Variants in COL16A1 observed in about 807,000 individuals in gnomAD.
The protein encoded by COL16A1 is collagen type XVI alpha 1 chain.
In COL16A1, 189 loss-of-function variants were observed where a neutral mutation model predicts 266.3. The ratio of observed to expected loss-of-function variants is 0.71; its 90% CI spans 0.63 to 0.80. The LOEUF is 0.80. Among genes scored for constraint, COL16A1 ranks in the 30% least tolerant of loss-of-function variants. COL16A1 has a pLI of 0.00. For synonymous variants in COL16A1, 740 were observed against 782.3 expected (o/e 0.95, Z 0.90); for missense variants, 1,928 against 2,122.4 (o/e 0.91, Z 1.80).
rs998916828 is a variant in COL16A1 at position 31,665,955 on chromosome 1, A to G, written c.3403-20T>C. 3.1e-6 allele frequency: 5 copies of G among 1,613,834 alleles called. No homozygotes were observed. The African/African-American group carries it at 4.0e-5, about 13-fold the overall frequency. On this transcript the variant is annotated intron_variant, in intron 53 of 70. Coordinates refer to ENST00000373672, the MANE Select transcript of COL16A1 (RefSeq NM_001856.4). ...GGGACCCTGTCACCCACAGAGAACA[A>G]TGCAGCCGAAACCTAATCTTCCTGC...
intron 52 of COL16A1, 151 bp downstream of exon 52, chr1:31,667,424 C>G (rs1257385284): frequency 3.1e-6 from 2 of 651,420 alleles, no homozygotes; most frequent in Non-Finnish European, 5.1e-6. Context: ...GCCTCCACCT[C>G]CACAGCACCC....
chr1:31,697,109 G>A lies in COL16A1; in HGVS notation c.739-21C>T, dbSNP rs746700565. 1 of 1,614,026 alleles carries A rather than the reference G, an allele frequency of 6.2e-7. No individual in the cohort carries two copies. Among genetic ancestry groups the A allele is most frequent in the Middle Eastern group, 1.6e-4 (1 of 6,062 alleles). On this transcript the variant is annotated intron_variant, in intron 7 of 70. Coordinates refer to ENST00000373672, the MANE Select transcript of COL16A1 (RefSeq NM_001856.4). The surrounding 1 kb of genome is among the most constrained non-coding windows in gnomAD (Gnocchi z 4.2). ...GGGCACTGTTTGGTGGAAGAGCGGG[G>A]CTAGGGTCAGTACAGGAGCAGACTC...
intron 26 of COL16A1, 61 bp from the exon 27 acceptor site, chr1:31,686,340 C>T: frequency 6.2e-7 from 1 of 1,611,194 alleles, no homozygotes; most frequent in Non-Finnish European, 8.5e-7. Flanking sequence ...CTAGAGCAAT[C>T]CCAAACCCAA....
chr1:31,658,375 T>C, intron 64 of COL16A1, 113 bp downstream of exon 64: 1 of 924,262 alleles, frequency 1.1e-6, no homozygotes. Context: ...CATCCTGCCA[T>C]GCTGACAGCC....
chr1:31,679,801 C>T lies in COL16A1; in HGVS notation c.2718+3G>A. On this transcript the variant is annotated splice_donor_region_variant and intron_variant, in intron 41 of 70. Transcript: ENST00000373672. ...GGCGGACAAGAGGAGACAAGCGACACACCTGCGGGCCCGGCTGCCAGGAGC... is the reference window on the plus strand; with the variant it reads ...GGCGGACAAGAGGAGACAAGCGACATACCTGCGGGCCCGGCTGCCAGGAGC... 6 of 1,565,224 alleles carry T rather than the reference C, an allele frequency of 3.8e-6. No individual in the cohort carries two copies. The highest frequency in any genetic ancestry group is 5.2e-6 in the Non-Finnish European group (6 of 1,157,000).
In COL16A1 at chr1:31,671,616, A is replaced by G. The variant is rs950768730; in HGVS notation, c.3149T>C (p.Ile1050Thr). ...GACCAGGGCACCACTGATACTTACGATAGGGCCTGGAGGACCCGGGGAGCC... is the reference window on the plus strand; with the variant it reads ...GACCAGGGCACCACTGATACTTACGGTAGGGCCTGGAGGACCCGGGGAGCC... ...MRGSPGPPGPIGPPGFPGAVG... is the reference protein window; with the variant it reads ...MRGSPGPPGPTGPPGFPGAVG... The change falls in exon 48 of 71, where the codon ATC (isoleucine) becomes ACC (threonine). Residue 1050 changes from isoleucine (I) to threonine (T), a missense_variant and splice_region_variant. This residue lies in a region of COL16A1 where 1,552 missense variants were observed against 1,637.2 expected (regional missense o/e 0.95). Transcript: ENST00000373672. The G allele has an allele frequency of 1.2e-6, 2 of 1,613,892 alleles. No individual in the cohort carries two copies. Among genetic ancestry groups the G allele is most frequent in the African/African-American group, 2.7e-5 (2 of 74,870 alleles).
At chr1:31,671,709 G>C (rs1022379752) in intron 47 of COL16A1, 50 bp from the exon 48 acceptor site, 1 of 1,611,124 alleles carries the variant, frequency 6.2e-7, no homozygotes, top group African/African-American at 1.3e-5. Context: ...GCCCCATAGA[G>C]CCCCTGGGAT....
Position 31,668,086 on chromosome 1 carries a change from C to T in COL16A1, c.3303+79G>A, listed in dbSNP as rs773838290. 1 of 1,342,456 alleles carries T rather than the reference C, an allele frequency of 7.4e-7. No homozygotes were observed. 83.2% of individuals were successfully genotyped at this position (1,342,456 alleles called of 1,614,324 possible). ...AATGGGGAGCCCGCCGAGGGTTGCC[C>T]AGCCTGGCTGTGTCCTGACCACCAG... On this transcript the variant is annotated intron_variant, in intron 51 of 70. Coordinates refer to ENST00000373672, the MANE Select transcript of COL16A1 (RefSeq NM_001856.4). This position sits in a 1 kb window ranked among gnomAD's most constrained non-coding sequence, Gnocchi z 5.8.
Position 31,697,162 on chromosome 1 carries a change from C to G in COL16A1, c.738+58G>C. On this transcript the variant is annotated intron_variant, in intron 7 of 70. Transcript: ENST00000373672. This position sits in a 1 kb window ranked among gnomAD's most constrained non-coding sequence, Gnocchi z 4.2. ...CCTAAGACCTCCAGGCATCACCTTC[C>G]AGACCCTCATCTCCAGCACAGTGTG... The G allele has an allele frequency of 2.5e-6, 4 of 1,612,740 alleles. No individual in the cohort carries two copies. Among genetic ancestry groups the G allele is most frequent in the Non-Finnish European group, 3.4e-6 (4 of 1,179,080 alleles).
In COL16A1 at chr1:31,698,109, C is replaced by T. The variant is rs572974202; in HGVS notation, c.454G>A (p.Asp152Asn). The T allele has an allele frequency of 8.1e-6, 13 of 1,613,978 alleles. No individual in the cohort carries two copies. The highest frequency in any genetic ancestry group is 5.0e-5 in the Admixed American group (3 of 60,036). The stretch of plus-strand genomic sequence containing the variant: ...ACTGGGAAGATGCAGGACACAAAGT[C>T]GCCATCCTGGCCCTGGGCCCTGAGC... ...LELRAQGQDG[D>N]FVSCIFPVPQ... The change falls in exon 6 of 71, where the codon GAC (aspartate) becomes AAC (asparagine). Residue 152 changes from aspartate (D) to asparagine (N), a missense_variant. Around this residue, in one of 2 missense-constraint regions of COL16A1, gnomAD observed 1,552 missense variants for 1,637.2 expected, o/e 0.95. Coordinates refer to ENST00000373672, the MANE Select transcript of COL16A1 (RefSeq NM_001856.4). The surrounding 1 kb of genome is among the most constrained non-coding windows in gnomAD (Gnocchi z 4.1).
intron 43 of COL16A1, 83 bp from the exon 44 acceptor site, chr1:31,675,122 C>T (rs1643072948): frequency 5.6e-6 from 9 of 1,609,726 alleles, no homozygotes; most frequent in South Asian, 2.2e-5. Context: ...CCTTGGGACA[C>T]GTCATGCACC....
chr1:31,698,548 T>A lies in COL16A1; in HGVS notation c.325A>T (p.Lys109Ter). The A allele has an allele frequency of 6.2e-7, 1 of 1,614,106 alleles. No individual in the cohort carries two copies. The highest frequency in any genetic ancestry group is 8.5e-7 in the Non-Finnish European group (1 of 1,180,012). ...CACGTCTTCTGGTGGGTGTGTTTCT[T>A]CAGCAGTAGTGTCAGCACCAGGGCA... The part of the protein sequence containing the change: ...EFALVLTLLL[K>*]KHTHQKTWYL... The change falls in exon 5 of 71, where the codon AAG (lysine) becomes TAG (stop). Residue 109 changes from lysine (K) to a stop codon, truncating the protein, a stop_gained. Transcript: ENST00000373672. LOFTEE classifies it high-confidence loss of function. The surrounding 1 kb of genome is among the most constrained non-coding windows in gnomAD (Gnocchi z 4.1).
At chr1:31,660,331 C>G (rs752702882) in intron 62 of COL16A1, among the ~76,000 whole-genome samples, 13 of 152,214 alleles carry the variant, frequency 8.5e-5, no homozygotes, top group Non-Finnish European at 1.8e-4. Context: ...GTCCCCCAAG[C>G]CTGGCATGGC....
intron 2 of COL16A1, 62 bp downstream of exon 2, chr1:31,702,059 C>G: frequency 6.2e-7 from 1 of 1,612,196 alleles, no homozygotes; most frequent in Non-Finnish European, 8.5e-7. Flanking sequence ...GTGCAAGGAC[C>G]CCAGCACCCC....
chr1:31,701,421 G>A (rs1225842074), intron 2 of COL16A1: 2 of 985,292 alleles, frequency 2.0e-6, no homozygotes. Context: ...TCAGCTTCTT[G>A]GTTTTTCTGC....
In COL16A1 at chr1:31,657,111, A is replaced by C; in HGVS notation, c.4021-43T>G. 6.2e-7 allele frequency: 1 copy of C among 1,613,852 alleles called. No individual in the cohort carries two copies. On this transcript the variant is annotated intron_variant, in intron 64 of 70. Coordinates refer to ENST00000373672, the MANE Select transcript of COL16A1 (RefSeq NM_001856.4). The surrounding 1 kb of genome is among the most constrained non-coding windows in gnomAD (Gnocchi z 6.4). The stretch of plus-strand genomic sequence containing the variant: ...ATGGAGACATGAGGAGCTCCAACCC[A>C]GTTTGGTGTCAGATGCCTCACTTTG...
chr1:31,676,935 A>G (rs1408284436), intron 42 of COL16A1, among the ~76,000 whole-genome samples: 1 of 152,206 alleles, frequency 6.6e-6, no homozygotes. Context: ...CCAGCCCCCG[A>G]GCAATTTCCA....
At chr1:31,681,161 A>G in intron 37 of COL16A1, 94 bp from the exon 38 acceptor site, 1 of 1,492,438 alleles carries the variant, frequency 6.7e-7, no homozygotes, top group East Asian at 2.3e-5. Context: ...AAACAGAAGC[A>G]GCGCCAGGTT....
In COL16A1 at chr1:31,680,031, G is replaced by A; in HGVS notation, c.2670+11C>T. Reference sequence around the variant, plus strand: ...CCCCAGTTGGGGGAAGGCTCTCACAGCGCCACTTACCGGCATGCCAGAGAA... The same window carrying A: ...CCCCAGTTGGGGGAAGGCTCTCACAACGCCACTTACCGGCATGCCAGAGAA... On this transcript the variant is annotated intron_variant, in intron 40 of 70. Coordinates refer to ENST00000373672, the MANE Select transcript of COL16A1 (RefSeq NM_001856.4). The A allele has an allele frequency of 6.2e-7, 1 of 1,613,708 alleles. No homozygotes were observed. The highest frequency in any genetic ancestry group is 8.5e-7 in the Non-Finnish European group (1 of 1,179,794).
Sources: gnomAD v4.1 joint callset for allele counts (sites outside exome capture counted in the v4.1 genomes callset) on GRCh38, gnomAD v4.1.1 for gene constraint, gnomAD v4.1.1 regional missense constraint, Gnocchi (gnomAD v3.1) non-coding constraint, MANE v1.5 for transcripts, NCBI Gene and HGNC (gene_info 2026-07-23, HGNC 2026-07-21) for gene names.